The following ARHGAP32 variants were observed in gnomAD, a reference collection of about 807,000 sequenced individuals.
The protein encoded by ARHGAP32 is rho GTPase-activating protein 32.
A neutral mutation model predicts 186.5 loss-of-function variants in ARHGAP32; 51 were observed. That is an observed-to-expected ratio of 0.27 (90% CI 0.22 to 0.35). The LOEUF is 0.35. Ranked by LOEUF, ARHGAP32 falls within the 10% of genes least tolerant of loss-of-function variation. The probability of loss-of-function intolerance (pLI) is 1.00; values close to 1 mark genes in which losing one functional copy is unlikely to be tolerated. For synonymous variants in ARHGAP32, 950 were observed against 964.3 expected (o/e 0.99, Z 0.27); for missense variants, 2,186 against 2,623.5 (o/e 0.83, Z 3.64).
At chr11:129,194,776 A>G (rs561467064), upstream of ARHGAP32, among the ~76,000 whole-genome samples, 36 of 152,118 alleles carry the variant, frequency 2.4e-4, no homozygotes, top group African/African-American at 7.9e-4. Flanking sequence ...AGAAAGAAAG[A>G]TAGTTTTTCA....
chr11:129,173,229 G>A (rs1486916993), intron 1 of ARHGAP32, among the ~76,000 whole-genome samples: 1 of 151,760 alleles, frequency 6.6e-6, no homozygotes, highest in African/African-American at 2.4e-5. Flanking sequence ...ATAAATTCCT[G>A]GATGCATACA....
chr11:129,085,909 G>A (rs190841135), intron 6 of ARHGAP32, among the ~76,000 whole-genome samples: 1 of 151,822 alleles, frequency 6.6e-6, no homozygotes, highest in East Asian at 1.9e-4. Flanking sequence ...CAGCAGAAAG[G>A]CGTGAACCCG....
intron 11 of ARHGAP32, among the ~76,000 whole-genome samples, chr11:129,009,312 A>G (rs1376324026): frequency 6.6e-6 from 1 of 152,124 alleles, no homozygotes; most frequent in Non-Finnish European, 1.5e-5. Flanking sequence ...GGTAATTACT[A>G]GTATGCTGGA....
At chr11:129,199,096 G>C (rs1200212613) in intron 1 of ARHGAP32, among the ~76,000 whole-genome samples, 1 of 152,192 alleles carries the variant, frequency 6.6e-6, no homozygotes, top group Non-Finnish European at 1.5e-5. Context: ...GTATCTGGCA[G>C]AAGAAATTTC....
intron 5 of ARHGAP32, among the ~76,000 whole-genome samples, chr11:129,105,448 A>C (rs1170901450): frequency 6.6e-6 from 1 of 152,192 alleles, no homozygotes; most frequent in African/African-American, 2.4e-5. Flanking sequence ...CAGAAGCAAC[A>C]CGTAAAGACC....
chr11:129,052,071 T>C (rs1808390610), intron 10 of ARHGAP32, among the ~76,000 whole-genome samples: 1 of 151,986 alleles, frequency 6.6e-6, no homozygotes, highest in South Asian at 2.1e-4. Context: ...AACATTTAGG[T>C]ATATTATCTA....
chr11:129,210,148 G>A (rs1388122489), intron 1 of ARHGAP32, among the ~76,000 whole-genome samples: 4 of 152,194 alleles, frequency 2.6e-5, no homozygotes, highest in Admixed American at 6.6e-5. Flanking sequence ...TACGACTGCT[G>A]AAAAGAATGA....
intron 1 of ARHGAP32, among the ~76,000 whole-genome samples, chr11:129,223,808 A>T (rs1454237761): frequency 6.6e-6 from 1 of 152,246 alleles, no homozygotes; most frequent in Non-Finnish European, 1.5e-5. Context: ...ACATTAAGCA[A>T]TTAAGATGAA....
Position 129,212,242 on chromosome 11 carries a change from GA to G in ARHGAP32, c.-4-47816del, listed in dbSNP as rs1944590070. ...TCTCAGAATGATCAATTCAAATATGGAAGGTCTGTTCATTAGCCATATATGA... is the reference window on the plus strand; with the variant it reads ...TCTCAGAATGATCAATTCAAATATGGAGGTCTGTTCATTAGCCATATATGA... On this transcript the variant is annotated intron_variant, in intron 1 of 6. Transcript: ENST00000525234. Among the ~76,000 whole-genome samples the G allele has an allele frequency of 1.3e-5, 2 of 152,114 alleles. 1 individual carries two copies. Among genetic ancestry groups the G allele is most frequent in the South Asian group, 4.2e-4 (2 of 4,818 alleles).
intron 1 of ARHGAP32, among the ~76,000 whole-genome samples, chr11:129,245,480 G>A (rs1333705793): frequency 1.3e-5 from 2 of 150,056 alleles, no homozygotes; most frequent in African/African-American, 4.9e-5. Flanking sequence ...GGATAGCATT[G>A]GGAGATATAC....
At position 129,167,902 on chromosome 11, in the gene ARHGAP32, T is replaced by C. The variant is rs535689178; in HGVS notation, c.117-3475A>G. Among the ~76,000 whole-genome samples the C allele has an allele frequency of 1.4e-4, 22 of 152,256 alleles. 1 individual carries two copies. The highest frequency in any genetic ancestry group is 1.4e-3 in the Admixed American group (22 of 15,290). On this transcript the variant is annotated intron_variant, in intron 1 of 22. Transcript: ENST00000682385. ...AATTCTTTTAGTTAAAAAAAGTAAA[T>C]GGACTTAAAGATCCCTATTAAAATA... is the stretch of plus-strand genomic sequence containing the variant.
chr11:129,168,381 T>A lies in ARHGAP32; in HGVS notation c.117-3954A>T, dbSNP rs373461350. ...AGAAGGCTAGCGTAGCTATATTACA[T>A]CAGGCAAAGTAGACCTTAAGCACAA... is the stretch of plus-strand genomic sequence containing the variant. On this transcript the variant is annotated intron_variant, in intron 1 of 22. Coordinates refer to ENST00000682385, the MANE Select transcript of ARHGAP32 (RefSeq NM_001378024.1). Among the ~76,000 whole-genome samples, 65 of 152,272 alleles carry A rather than the reference T, an allele frequency of 4.3e-4. No homozygotes were observed. In the Middle Eastern group the frequency reaches 0.017, roughly 40 times the overall value.
intron 2 of ARHGAP32, among the ~76,000 whole-genome samples, chr11:129,132,370 C>T (rs1380258827): frequency 6.6e-6 from 1 of 151,972 alleles, no homozygotes; most frequent in Non-Finnish European, 1.5e-5. Flanking sequence ...GTTGCAGCTA[C>T]TCAGTGGGCT....
At chr11:129,212,921 A>C (rs1944598848) in intron 1 of ARHGAP32, among the ~76,000 whole-genome samples, 1 of 152,046 alleles carries the variant, frequency 6.6e-6, no homozygotes, top group Non-Finnish European at 1.5e-5. Context: ...GCAAAAAAAA[A>C]AAAGCTCAAT....
chr11:129,235,900 AACACACACAC>A (rs57291313), intron 1 of ARHGAP32, among the ~76,000 whole-genome samples: 180 of 145,760 alleles, frequency 1.2e-3, no homozygotes, highest in Admixed American at 2.6e-3. Flanking sequence ...GTCATTCATA[AACACACACAC>A]ACACACACAC....
intron 2 of ARHGAP32, among the ~76,000 whole-genome samples, chr11:129,125,571 T>A (rs1000757277): frequency 6.6e-6 from 1 of 152,076 alleles, no homozygotes; most frequent in Non-Finnish European, 1.5e-5. Flanking sequence ...CATGATTCAA[T>A]AGGGGCGAAT....
chr11:129,068,500 A>G (rs941829236), intron 6 of ARHGAP32, among the ~76,000 whole-genome samples: 3 of 152,108 alleles, frequency 2.0e-5, no homozygotes, highest in Non-Finnish European at 4.4e-5. Flanking sequence ...CCAAAGTGGT[A>G]ACACCAATTT....
intron 6 of ARHGAP32, among the ~76,000 whole-genome samples, chr11:129,069,028 C>T (rs1056734601): frequency 1.4e-4 from 21 of 152,072 alleles, no homozygotes; most frequent in African/African-American, 5.1e-4. Context: ...GAAGGCCTTA[C>T]AGCCATCACC....
intron 1 of ARHGAP32, among the ~76,000 whole-genome samples, chr11:129,275,977 T>C (rs1386893176): frequency 3.9e-5 from 6 of 152,254 alleles, no homozygotes; most frequent in African/African-American, 1.4e-4. Context: ...GAACTGATAC[T>C]TTAAAGAAGT....
Sources: gnomAD v4.1 joint callset for allele counts (sites outside exome capture counted in the v4.1 genomes callset) on GRCh38, gnomAD v4.1.1 for gene constraint, MANE v1.5 for transcripts, NCBI Gene and HGNC (gene_info 2026-07-23, HGNC 2026-07-21) for gene names.